The following TANC2 variants were observed in gnomAD, a reference collection of about 807,000 sequenced individuals.
TANC2 encodes protein TANC2.
A neutral mutation model predicts 210.5 loss-of-function variants in TANC2; 26 were observed. The ratio of observed to expected loss-of-function variants is 0.12; its 90% CI spans 0.09 to 0.17. The LOEUF (loss-of-function observed/expected upper bound fraction) is 0.17. Ranked by LOEUF, TANC2 falls within the 10% of genes least tolerant of loss-of-function variation. TANC2 has a pLI of 1.00. For synonymous variants in TANC2, 931 were observed against 967.1 expected, an observed-to-expected ratio of 0.96 and a Z score of 0.69; for missense variants, 2,129 against 2,608.9, an observed-to-expected ratio of 0.82 and a Z score of 4.01.
At chr17:63,085,561 A>G (rs34957950) in intron 3 of TANC2, among the ~76,000 whole-genome samples, 1,621 of 152,200 alleles carry the variant, frequency 0.011, 17 homozygotes, top group Non-Finnish European at 0.019. Flanking sequence ...ATACTGTACT[A>G]TTTCACAGGT....
chr17:63,253,399 C>A (rs909345217), intron 8 of TANC2, among the ~76,000 whole-genome samples: 1 of 152,170 alleles, frequency 6.6e-6, no homozygotes, highest in African/African-American at 2.4e-5. Flanking sequence ...GTTGTCTCTT[C>A]ACTTTGTTGA....
intron 4 of TANC2, among the ~76,000 whole-genome samples, chr17:63,126,053 G>A (rs2038695915): frequency 6.6e-6 from 1 of 152,070 alleles, no homozygotes; most frequent in Non-Finnish European, 1.5e-5. Context: ...TACTTCCTAG[G>A]GTTATTATGA....
intron 2 of TANC2, among the ~76,000 whole-genome samples, chr17:63,052,151 G>T (rs2035605554): frequency 6.6e-6 from 1 of 152,154 alleles, no homozygotes; most frequent in African/African-American, 2.4e-5. Context: ...TATGATAGAT[G>T]AAGATTCCAT....
intron 11 of TANC2, chr17:63,332,247 CT>C: frequency 2.7e-5 from 9 of 331,252 alleles, no homozygotes; most frequent in East Asian, 1.0e-4. Context: ...GTACAGTCTC[CT>C]TTTTTGGTTT....
At chr17:63,006,705 G>A (rs911857472) in intron 1 of TANC2, among the ~76,000 whole-genome samples, 5 of 151,838 alleles carry the variant, frequency 3.3e-5, no homozygotes, top group South Asian at 2.1e-4. Context: ...GTTATAGTTT[G>A]TTTTTATTTG....
At chr17:63,120,427 GA>G (rs993650615) in intron 4 of TANC2, among the ~76,000 whole-genome samples, 112 of 152,126 alleles carry the variant, frequency 7.4e-4, no homozygotes, top group Non-Finnish European at 1.1e-3. Context: ...AGAGTTCTAT[GA>G]AAAAAATAAG....
intron 1 of TANC2, among the ~76,000 whole-genome samples, chr17:62,987,433 A>T (rs993218085): frequency 6.6e-6 from 1 of 152,114 alleles, no homozygotes; most frequent in African/African-American, 2.4e-5. Flanking sequence ...TAGGGAGTGC[A>T]CACCTTGTGC....
chr17:63,239,774 G>C (rs1306942153), intron 8 of TANC2, among the ~76,000 whole-genome samples: 1 of 152,130 alleles, frequency 6.6e-6, no homozygotes, highest in Non-Finnish European at 1.5e-5. Flanking sequence ...AAAGAAAAGA[G>C]GTTGAATTGG....
chr17:63,353,496 T>G (rs1472447527), intron 13 of TANC2, among the ~76,000 whole-genome samples: 1 of 152,106 alleles, frequency 6.6e-6, no homozygotes, highest in East Asian at 1.9e-4. Context: ...ATGTAAATGT[T>G]GAGTAGACAG....
intron 12 of TANC2, 128 bp from the exon 13 acceptor site, chr17:63,351,122 A>C: frequency 2.5e-6 from 2 of 807,814 alleles, no homozygotes; most frequent in Non-Finnish European, 3.9e-6. Context: ...ATGTACCCTG[A>C]GCATTCACTA....
At chr17:63,261,578 T>C (rs888091713) in intron 8 of TANC2, among the ~76,000 whole-genome samples, 1 of 152,058 alleles carries the variant, frequency 6.6e-6, no homozygotes, top group East Asian at 1.9e-4. Flanking sequence ...TAGTCCCGCC[T>C]CCCTTGGAAA....
intron 5 of TANC2, among the ~76,000 whole-genome samples, chr17:63,158,727 A>G (rs1025828505): frequency 2.6e-5 from 4 of 152,214 alleles, no homozygotes; most frequent in Admixed American, 2.0e-4. Flanking sequence ...AAATTACCAT[A>G]AAATGTAATA....
At chr17:63,340,135 C>T in exon 12 of TANC2, 1 of 1,613,846 alleles carries the variant, frequency 6.2e-7, no homozygotes, top group Non-Finnish European at 8.5e-7. Flanking sequence ...GCAGATAATG[C>T]CTACACTTGC....
chr17:62,993,301 A>G (rs566742967), intron 1 of TANC2, among the ~76,000 whole-genome samples: 2 of 152,262 alleles, frequency 1.3e-5, no homozygotes, highest in East Asian at 3.9e-4. Context: ...AGTTTTGGCT[A>G]TTCTGGGTCC....
intron 17 of TANC2, among the ~76,000 whole-genome samples, chr17:63,393,075 G>A (rs2048032103): frequency 6.6e-6 from 1 of 152,192 alleles, no homozygotes; most frequent in South Asian, 2.1e-4. Context: ...ATTACATTTA[G>A]TGTTGTGCCT....
chr17:63,071,868 T>C (rs1330142806), intron 2 of TANC2, among the ~76,000 whole-genome samples: 1 of 152,166 alleles, frequency 6.6e-6, no homozygotes, highest in Non-Finnish European at 1.5e-5. Context: ...AAATATTTAA[T>C]AAATTTGGGT....
intron 2 of TANC2, among the ~76,000 whole-genome samples, chr17:63,023,302 G>T (rs544609581): frequency 6.6e-6 from 1 of 152,352 alleles, no homozygotes; most frequent in South Asian, 2.1e-4. Flanking sequence ...CCAACAGGGG[G>T]TATTACCTAG....
intron 5 of TANC2, chr17:63,152,088 G>C (rs1195218788): frequency 6.6e-6 from 1 of 152,148 alleles, no homozygotes; most frequent in Admixed American, 6.5e-5. Context: ...AGTCTATAGA[G>C]CTGTGTCAGA....
At chr17:63,033,070 G>A (rs1405413183) in intron 2 of TANC2, among the ~76,000 whole-genome samples, 1 of 152,178 alleles carries the variant, frequency 6.6e-6, no homozygotes, top group African/African-American at 2.4e-5. Context: ...GCCAGATGAA[G>A]AAGTACATAG....
Sources: allele counts gnomAD v4.1 joint callset (sites outside exome capture counted in the v4.1 genomes callset), GRCh38; gene constraint gnomAD v4.1.1; transcripts MANE v1.5; gene names NCBI Gene and HGNC (gene_info 2026-07-23, HGNC 2026-07-21).